Variants in SNX30 observed in about 807,000 individuals in gnomAD.
The protein encoded by SNX30 is sorting nexin family member 30, also known as sorting nexin-30.
Under a neutral mutation model 46.4 loss-of-function variants are expected in SNX30, and 24 were observed. The ratio of observed to expected loss-of-function variants is 0.52; its 90% CI spans 0.37 to 0.73. SNX30 has a LOEUF of 0.73. Among genes scored for constraint, SNX30 ranks in the 30% least tolerant of loss-of-function variants. The pLI is 0.00. For missense variants in SNX30, 533 were observed against 555.7 expected, an observed-to-expected ratio of 0.96 and a Z score of 0.41; for synonymous variants, 189 against 211.5, an observed-to-expected ratio of 0.89 and a Z score of 0.92.
intron 2 of SNX30, among the ~76,000 whole-genome samples, chr9:112,806,830 T>C (rs1840232621): frequency 6.6e-6 from 1 of 152,146 alleles, no homozygotes; most frequent in Admixed American, 6.5e-5. Context: ...CACACATGTA[T>C]AGTTAGAATG....
intron 1 of SNX30, among the ~76,000 whole-genome samples, chr9:112,797,711 C>CA (rs373181456): frequency 1.6e-5 from 2 of 121,358 alleles, no homozygotes; most frequent in Admixed American, 9.8e-5. Context: ...TTTTCTTTTT[C>CA]TTTTTTTTTT....
intron 7 of SNX30, among the ~76,000 whole-genome samples, chr9:112,855,951 G>A (rs1841119599): frequency 6.6e-6 from 1 of 152,142 alleles, no homozygotes; most frequent in African/African-American, 2.4e-5. Context: ...AGGAGAAGCT[G>A]AGGAATTAGA....
Position 112,817,943 on chromosome 9 carries a change from G to A in SNX30, c.459+128G>A, listed in dbSNP as rs568088695. On this transcript the variant is annotated intron_variant, in intron 3 of 8. Transcript: ENST00000374232. Reference sequence around the variant, plus strand: ...GCAAACATATATAAAACATGTTAACGGACACTGTATACAATACTTCACCTA... The same window carrying A: ...GCAAACATATATAAAACATGTTAACAGACACTGTATACAATACTTCACCTA... 75 of 672,858 alleles carry A rather than the reference G, an allele frequency of 1.1e-4. 2 individuals carry two copies. The South Asian group carries it at 1.2e-3, about 11-fold the overall frequency. 41.7% of individuals were successfully genotyped at this position (672,858 alleles called of 1,614,324 possible).
chr9:112,773,120 G>A (rs748012180), intron 1 of SNX30, among the ~76,000 whole-genome samples: 1 of 152,184 alleles, frequency 6.6e-6, no homozygotes, highest in Non-Finnish European at 1.5e-5. Context: ...AGCAATGTAG[G>A]TGTGAGGCCG....
intron 7 of SNX30, among the ~76,000 whole-genome samples, chr9:112,851,985 A>G (rs1841035241): frequency 6.6e-6 from 1 of 152,218 alleles, no homozygotes. Flanking sequence ...TTGAAAGGAA[A>G]CTTTTAAAAT....
intron 3 of SNX30, among the ~76,000 whole-genome samples, chr9:112,827,575 G>A (rs1244567433): frequency 6.6e-6 from 1 of 152,144 alleles, no homozygotes; most frequent in Admixed American, 6.6e-5. Context: ...AAGGTTTTGT[G>A]TTCTAAATCT....
At chr9:112,864,622 G>A (rs1841289616) in intron 8 of SNX30, among the ~76,000 whole-genome samples, 1 of 152,186 alleles carries the variant, frequency 6.6e-6, no homozygotes, top group South Asian at 2.1e-4. Flanking sequence ...ACATGCTGCT[G>A]GGGAAGCAGC....
chr9:112,813,522 G>T (rs1840350599), intron 2 of SNX30, among the ~76,000 whole-genome samples: 1 of 148,748 alleles, frequency 6.7e-6, no homozygotes, highest in African/African-American at 2.5e-5. Flanking sequence ...AGGCTGGAGT[G>T]CAGTGGCGCG....
chr9:112,836,011 G>A (rs1840745142), intron 4 of SNX30, among the ~76,000 whole-genome samples: 1 of 152,200 alleles, frequency 6.6e-6, no homozygotes, highest in Admixed American at 6.5e-5. Context: ...AGGGATTTAA[G>A]TGTCAACCTA....
downstream of SNX30, among the ~76,000 whole-genome samples, chr9:112,883,886 A>G (rs111493002): frequency 0.012 from 1,893 of 152,088 alleles, 34 homozygotes; most frequent in African/African-American, 0.043. Context: ...TATTGGAGAC[A>G]TGGTTTCACT....
At chr9:112,864,209 T>G in intron 7 of SNX30, 38 bp from the exon 8 acceptor site, 1 of 1,610,164 alleles carries the variant, frequency 6.2e-7, no homozygotes, top group Non-Finnish European at 8.5e-7. Flanking sequence ...GATGCCAGTT[T>G]TGTGTGCAGG....
chr9:112,869,037 G>A lies in SNX30; in HGVS notation c.*194G>A. 1.7e-6 allele frequency: 1 copy of A among 603,562 alleles called. No homozygotes were observed. Among genetic ancestry groups the A allele is most frequent in the Non-Finnish European group, 3.0e-6 (1 of 337,324 alleles). 37.4% of individuals were successfully genotyped at this position (603,562 alleles called of 1,614,324 possible). A position where few individuals can be genotyped will look rare whatever the true frequency, so the allele number is the denominator to read the frequency against. On this transcript the variant is annotated 3_prime_UTR_variant, in exon 9 of 9. Coordinates refer to ENST00000374232, the MANE Select transcript of SNX30 (RefSeq NM_001012994.2). ...GTATTTATTCCATGGTGGAGTCTGT[G>A]AGGCTAGAATATCTCTCAGCAAGAG...
At chr9:112,877,872 C>T (rs1479485154), downstream of SNX30, 1 of 152,218 alleles carries the variant, frequency 6.6e-6, no homozygotes, top group Non-Finnish European at 1.5e-5. Flanking sequence ...TGCACACCAC[C>T]ATACCCAGGT....
chr9:112,832,682 C>T (rs949276780), intron 4 of SNX30, among the ~76,000 whole-genome samples: 9 of 149,064 alleles, frequency 6.0e-5, no homozygotes, highest in South Asian at 2.1e-4. Flanking sequence ...TGCTAAATGA[C>T]GAGTTAATGG....
Position 112,869,607 on chromosome 9 carries a change from CAA to C in SNX30, c.*766_*767del, listed in dbSNP as rs1841414068. 1 of 142,346 alleles carries C rather than the reference CAA, an allele frequency of 7.0e-6. No homozygotes were observed. Among genetic ancestry groups the C allele is most frequent in the Non-Finnish European group, 1.6e-5 (1 of 64,334 alleles). 8.8% of individuals were successfully genotyped at this position (142,346 alleles called of 1,614,324 possible). A position where few individuals can be genotyped will look rare whatever the true frequency, so the allele number is the denominator to read the frequency against. ...AACTTTTTGTGTAAAATGAAAAAAA[CAA>C]AGTGCTGGTTTTTTTTTTTTTTCTG... On this transcript the variant is annotated 3_prime_UTR_variant, in exon 9 of 9. Coordinates refer to ENST00000374232, the MANE Select transcript of SNX30 (RefSeq NM_001012994.2).
At chr9:112,878,469 C>T (rs1841541152), downstream of SNX30, 1 of 152,250 alleles carries the variant, frequency 6.6e-6, no homozygotes, top group Non-Finnish European at 1.5e-5. Flanking sequence ...GATGCCCTTC[C>T]TGCTCTCCCA....
intron 2 of SNX30, among the ~76,000 whole-genome samples, chr9:112,812,380 C>T (rs1296365633): frequency 3.3e-5 from 5 of 152,076 alleles, no homozygotes; most frequent in South Asian, 4.1e-4. Context: ...CTCAGCCTCC[C>T]GAGTAGCTGG....
chr9:112,828,425 T>C (rs1840610211), intron 3 of SNX30, among the ~76,000 whole-genome samples: 1 of 152,240 alleles, frequency 6.6e-6, no homozygotes, highest in Non-Finnish European at 1.5e-5. Context: ...CACTCTGTGA[T>C]GTTCACACAA....
Position 112,750,869 on chromosome 9 carries a change from G to GC in SNX30, c.-128dup, listed in dbSNP as rs919894432. ...AGAGACCAGCCGGCGGGTGGCGGCG[G>GC]CCCCCAGCACGGCCGGTGCAAGGCC... On this transcript the variant is annotated 5_prime_UTR_variant, in exon 1 of 9. Transcript: ENST00000374232. The GC allele has an allele frequency of 7.6e-4, 618 of 813,472 alleles. No homozygotes were observed. Among genetic ancestry groups the GC allele is most frequent in the Non-Finnish European group, 9.2e-4 (605 of 657,076 alleles). 50.4% of individuals were successfully genotyped at this position (813,472 alleles called of 1,614,324 possible). A position where few individuals can be genotyped will look rare whatever the true frequency, so the allele number is the denominator to read the frequency against.
Sources: gnomAD v4.1 joint callset for allele counts (sites outside exome capture counted in the v4.1 genomes callset) on GRCh38, gnomAD v4.1.1 for gene constraint, MANE v1.5 for transcripts, NCBI Gene and HGNC (gene_info 2026-07-23, HGNC 2026-07-21) for gene names.